The following ANKRD28 variants were observed in gnomAD, a reference collection of about 807,000 sequenced individuals.
ANKRD28 encodes serine/threonine-protein phosphatase 6 regulatory ankyrin repeat subunit A.
Under a neutral mutation model 126.5 loss-of-function variants are expected in ANKRD28, and 44 were observed. The ratio of observed to expected loss-of-function variants is 0.35; its 90% CI spans 0.27 to 0.45. The LOEUF is 0.45. ANKRD28 is among the 20% of genes least tolerant of loss of function. The pLI is 1.00. For missense variants in ANKRD28, 1,110 were observed against 1,316.6 expected (o/e 0.84, Z 2.43); for synonymous variants, 442 against 468.5 (o/e 0.94, Z 0.73).
chr3:15,716,135 A>G (rs1559394460), intron 8 of ANKRD28, among the ~76,000 whole-genome samples: 1 of 151,752 alleles, frequency 6.6e-6, no homozygotes, highest in Non-Finnish European at 1.5e-5. Flanking sequence ...GGCATGCACC[A>G]CCATGCCCAG....
chr3:15,802,030 G>C (rs2060474681), upstream of ANKRD28, among the ~76,000 whole-genome samples: 1 of 152,142 alleles, frequency 6.6e-6, no homozygotes, highest in African/African-American at 2.4e-5. Context: ...TTTCTGCAGA[G>C]ATCTGTATTT....
At chr3:15,749,095 G>GTTTTTTTTTTTTTTTTTTTTTT (rs1357402514) in intron 4 of ANKRD28, among the ~76,000 whole-genome samples, 2 of 106,994 alleles carry the variant, frequency 1.9e-5, no homozygotes, top group Non-Finnish European at 3.5e-5. Flanking sequence ...TCTATATTAT[G>GTTTTTTTTTTTTTTTTTTTTTT]TTTTTGTTTT....
chr3:15,735,619 A>C, intron 5 of ANKRD28, 122 bp from the exon 6 acceptor site: 1 of 696,736 alleles, frequency 1.4e-6, no homozygotes, highest in Non-Finnish European at 2.4e-6. Context: ...TGCTGAACAG[A>C]AGGAGCTAGA....
At chr3:15,736,665 T>A (rs1216481881) in intron 5 of ANKRD28, among the ~76,000 whole-genome samples, 3 of 152,362 alleles carry the variant, frequency 2.0e-5, no homozygotes, top group African/African-American at 7.2e-5. Flanking sequence ...TTATCTTGAC[T>A]AAATGTTAAT....
intron 3 of ANKRD28, among the ~76,000 whole-genome samples, chr3:15,764,558 C>T (rs1308372324): frequency 6.6e-6 from 1 of 151,706 alleles, no homozygotes; most frequent in East Asian, 1.9e-4. Flanking sequence ...AAAAACAAAC[C>T]CTCCACGTGG....
chr3:15,794,992 T>C (rs960371809), intron 2 of ANKRD28, among the ~76,000 whole-genome samples: 5 of 152,118 alleles, frequency 3.3e-5, no homozygotes, highest in Non-Finnish European at 5.9e-5. Flanking sequence ...TTAACTTCCC[T>C]ATGTTTGAAA....
chr3:15,702,954 A>G (rs1238076897), intron 14 of ANKRD28, among the ~76,000 whole-genome samples: 2 of 152,182 alleles, frequency 1.3e-5, no homozygotes, highest in Non-Finnish European at 1.5e-5. Context: ...CATAGTCGTG[A>G]CAGAGTTTAG....
intron 17 of ANKRD28, among the ~76,000 whole-genome samples, chr3:15,693,313 T>A (rs1445431421): frequency 6.6e-6 from 1 of 150,602 alleles, no homozygotes; most frequent in African/African-American, 2.5e-5. Flanking sequence ...GACAAAAAAA[T>A]AGTAATGGGG....
At chr3:15,691,424 C>CG (rs1559344666) in intron 17 of ANKRD28, among the ~76,000 whole-genome samples, 3 of 152,130 alleles carry the variant, frequency 2.0e-5, no homozygotes, top group Admixed American at 1.3e-4. Context: ...CGCCCGGCCC[C>CG]GAGTTGCCTT....
At chr3:15,859,783 C>G (rs1299036318), upstream of ANKRD28, 3 of 152,540 alleles carry the variant, frequency 2.0e-5, no homozygotes, top group African/African-American at 7.2e-5. Context: ...CCGTTCCAGC[C>G]CGCGGCAGCG....
At chr3:15,696,380 TA>T in intron 14 of ANKRD28, 135 bp from the exon 15 acceptor site, 1 of 544,950 alleles carries the variant, frequency 1.8e-6, no homozygotes, top group Non-Finnish European at 3.2e-6. Context: ...TATTACACTA[TA>T]AAAATGTCAT....
At chr3:15,716,844 T>G (rs1259112172) in intron 8 of ANKRD28, among the ~76,000 whole-genome samples, 1 of 152,152 alleles carries the variant, frequency 6.6e-6, no homozygotes. Flanking sequence ...TATCTATAAT[T>G]CCAGCGCTTG....
chr3:15,787,328 A>G (rs945397678), intron 2 of ANKRD28, among the ~76,000 whole-genome samples: 19 of 152,186 alleles, frequency 1.2e-4, no homozygotes, highest in Admixed American at 1.0e-3. Flanking sequence ...TCATAGTGAC[A>G]TAGGACATAT....
Position 15,679,328 on chromosome 3 carries a change from A to T in ANKRD28, c.2534T>A (p.Ile845Asn). 6.2e-7 allele frequency: 1 copy of T among 1,613,932 alleles called. No homozygotes were observed. Among genetic ancestry groups the T allele is most frequent in the Non-Finnish European group, 8.5e-7 (1 of 1,179,858 alleles). The change falls in exon 23 of 28, where the codon ATT (isoleucine) becomes AAT (asparagine). Residue 845 changes from isoleucine (I) to asparagine (N), a missense_variant. Transcript: ENST00000683139. ...TCCTTTTGAATCTGTGGCGTTCACA[A>T]TGCTGGCACCTAATGTATCAATTAA... Reference protein sequence around the residue: ...EMLIDTLGASIVNATDSKGRT... With the variant: ...EMLIDTLGASNVNATDSKGRT...
intron 1 of ANKRD28, among the ~76,000 whole-genome samples, chr3:15,840,056 G>C (rs1177304949): frequency 6.6e-6 from 1 of 152,070 alleles, no homozygotes; most frequent in Admixed American, 6.6e-5. Flanking sequence ...AGAGAAATCA[G>C]ACAAGAGAAA....
chr3:15,844,020 A>C (rs1292977293), intron 1 of ANKRD28, among the ~76,000 whole-genome samples: 1 of 152,152 alleles, frequency 6.6e-6, no homozygotes, highest in Non-Finnish European at 1.5e-5. Flanking sequence ...TTGAAGAAAA[A>C]GGGGATGGGT....
chr3:15,843,940 C>A lies in ANKRD28; in HGVS notation c.27+15437G>T, dbSNP rs965040055. ...AGGAGTTAAGGCTTAAAAAGTTGGG[C>A]CAAAAGGGCTAAAGGAAGGGAGGTT... is the stretch of plus-strand genomic sequence containing the variant. On this transcript the variant is annotated intron_variant, in intron 1 of 27. Transcript: ENST00000399451. This position sits in a 1 kb window ranked among gnomAD's most constrained non-coding sequence, Gnocchi z 5.2. Among the ~76,000 whole-genome samples, 5 of 151,670 alleles carry A rather than the reference C, an allele frequency of 3.3e-5. No homozygotes were observed. Among genetic ancestry groups the A allele is most frequent in the African/African-American group, 1.2e-4 (5 of 41,272 alleles).
intron 17 of ANKRD28, among the ~76,000 whole-genome samples, chr3:15,690,657 TG>T (rs1305350619): frequency 6.6e-6 from 1 of 152,176 alleles, no homozygotes; most frequent in Non-Finnish European, 1.5e-5. Context: ...CTTGACCTTC[TG>T]GGCTTAAGTG....
At chr3:15,752,309 C>G (rs1379235471) in intron 3 of ANKRD28, among the ~76,000 whole-genome samples, 1 of 151,970 alleles carries the variant, frequency 6.6e-6, no homozygotes, top group African/African-American at 2.4e-5. Context: ...AAGATAGAAA[C>G]AATGGTTACA....
Sources: allele counts gnomAD v4.1 joint callset (sites outside exome capture counted in the v4.1 genomes callset), GRCh38; gene constraint gnomAD v4.1.1; non-coding constraint Gnocchi (gnomAD v3.1); transcripts MANE v1.5; gene names NCBI Gene and HGNC (gene_info 2026-07-23, HGNC 2026-07-21).